The following ATP11A variants were observed in gnomAD, a reference collection of about 807,000 sequenced individuals.
ATP11A encodes ATPase phospholipid transporting 11A, also known as phospholipid-transporting ATPase IH.
Under a neutral mutation model 154.4 loss-of-function variants are expected in ATP11A, and 81 were observed. That is an observed-to-expected ratio of 0.52 (90% CI 0.44 to 0.63). The LOEUF is 0.63. Among genes scored for constraint, ATP11A ranks in the 30% least tolerant of loss-of-function variants. The pLI is 0.00. For synonymous variants in ATP11A, 623 were observed against 585.9 expected (o/e 1.06, Z -0.91); for missense variants, 1,316 against 1,474.3 (o/e 0.89, Z 1.76).
At chr13:112,820,739 G>A (rs891001787) in intron 8 of ATP11A, among the ~76,000 whole-genome samples, 2 of 152,218 alleles carry the variant, frequency 1.3e-5, no homozygotes, top group Non-Finnish European at 2.9e-5. Flanking sequence ...GGATTTTAAA[G>A]TTGCATCTTC....
chr13:112,715,523 ACCCTT>A (rs1888350575), intron 1 of ATP11A, among the ~76,000 whole-genome samples: 3 of 5,246 alleles, frequency 5.7e-4, no homozygotes, highest in Non-Finnish European at 1.2e-3. Context: ...GCCGATCCCC[ACCCTT>A]CACTTGGCTG....
chr13:112,878,476 C>G, intron 29 of ATP11A, 173 bp downstream of exon 29: 1 of 654,904 alleles, frequency 1.5e-6, no homozygotes, highest in South Asian at 1.8e-5. Context: ...CATGCACAGA[C>G]TGATCATGGG....
chr13:112,736,047 G>A (rs71446626), intron 1 of ATP11A, among the ~76,000 whole-genome samples: 13,974 of 152,166 alleles, frequency 0.092, 694 homozygotes, highest in Middle Eastern at 0.12. Flanking sequence ...CTTTGTGTTC[G>A]CGTGCCCAGA....
At chr13:112,805,539 G>A (rs1023521540) in intron 3 of ATP11A, among the ~76,000 whole-genome samples, 1 of 152,082 alleles carries the variant, frequency 6.6e-6, no homozygotes, top group Non-Finnish European at 1.5e-5. Context: ...AGCTGGGTGT[G>A]GTGGTGCACA....
At position 112,839,293 on chromosome 13, in the gene ATP11A, A is replaced by G. The variant is rs1245169249; in HGVS notation, c.1706-2983A>G. The stretch of plus-strand genomic sequence containing the variant: ...AAAAGGAGAGTACATAAGCATATTC[A>G]TCTATGAAAAAGAAAAGCAAGCAGA... On this transcript the variant is annotated intron_variant, in intron 16 of 29. Transcript: ENST00000375645. Among the ~76,000 whole-genome samples the G allele has an allele frequency of 3.9e-5, 6 of 152,188 alleles. No homozygotes were observed. The South Asian group carries it at 1.2e-3, about 32-fold the overall frequency.
At position 112,774,440 on chromosome 13, in the gene ATP11A, C is replaced by T. The variant is rs1259795227; in HGVS notation, c.40-10695C>T. On this transcript the variant is annotated intron_variant, in intron 1 of 29. Transcript: ENST00000375645. ...TTATTATATTTGGAGAAATGGGAGA[C>T]GATGATACTTTAGAGGAACACAGAT... Among the ~76,000 whole-genome samples, 24 of 152,116 alleles carry T rather than the reference C, an allele frequency of 1.6e-4. 1 individual carries two copies. Among genetic ancestry groups the T allele is most frequent in the Non-Finnish European group, 2.9e-5 (2 of 68,024 alleles).
intron 8 of ATP11A, 134 bp from the exon 9 acceptor site, chr13:112,823,211 A>G (rs2078845651): frequency 1.4e-6 from 1 of 702,082 alleles, no homozygotes; most frequent in Non-Finnish European, 2.5e-6. Flanking sequence ...ATATAAGCAA[A>G]CCTCCGTGTA....
intron 1 of ATP11A, among the ~76,000 whole-genome samples, chr13:112,758,423 T>C (rs920242175): frequency 3.4e-5 from 5 of 148,556 alleles, no homozygotes; most frequent in Admixed American, 1.3e-4. Flanking sequence ...TTTTTTTTTC[T>C]TTTTTTTCTT....
Position 112,885,204 on chromosome 13 carries a change from AC to A in ATP11A, c.*3339del, listed in dbSNP as rs748390638. 1 of 152,106 alleles carries A rather than the reference AC, an allele frequency of 6.6e-6. No homozygotes were observed. The highest frequency in any genetic ancestry group is 1.5e-5 in the Non-Finnish European group (1 of 68,046). The allele number at this position is 152,106 out of a possible 1,614,324, so 9.4% of individuals were successfully genotyped here. A position where few individuals can be genotyped will look rare whatever the true frequency, so the allele number is the denominator to read the frequency against. On this transcript the variant is annotated 3_prime_UTR_variant, in exon 30 of 30. Transcript: ENST00000375645. ...CACAATACATATGCACATATCATGA[AC>A]AGCGTAAGTTCCTACACACGGACGT...
In ATP11A at chr13:112,697,163, C is replaced by T. The variant is rs1420496010; in HGVS notation, c.39+6708C>T. Among the ~76,000 whole-genome samples, 2 of 152,170 alleles carry T rather than the reference C, an allele frequency of 1.3e-5. No individual in the cohort carries two copies. Among genetic ancestry groups the T allele is most frequent in the South Asian group, 2.1e-4 (1 of 4,834 alleles). ...GCCTTCCGTGGGCTGCTTCCTGTGG[C>T]GTCCTGCGGGCTGGCCGCCCCTCGG... is the stretch of plus-strand genomic sequence containing the variant. On this transcript the variant is annotated intron_variant, in intron 1 of 29. Transcript: ENST00000375645. The surrounding 1 kb of genome is among the most constrained non-coding windows in gnomAD (Gnocchi z 4.0).
rs2079183779 is a variant in ATP11A at position 112,834,644 on chromosome 13, G to A, written c.1615G>A (p.Glu539Lys). The A allele has an allele frequency of 6.2e-7, 1 of 1,613,826 alleles. No individual in the cohort carries two copies. The highest frequency in any genetic ancestry group is 1.7e-5 in the Admixed American group (1 of 60,030). Residue 539 changes from glutamate to lysine, a missense_variant, in exon 15 of 30, where the codon GAG (glutamate) becomes AAG (lysine). Glu to Lys is a moderately conservative substitution (Grantham distance 56, BLOSUM62 1). Transcript: ENST00000375645. ...KDNYMEILNR[E>K]NHIERFELLE... ...CAATTACATGGAGATATTAAACAGG[G>A]AGAACCACATCGAAAGGTATGTGCA... is the stretch of plus-strand genomic sequence containing the variant.
intron 29 of ATP11A, chr13:112,880,840 G>A (rs1030161966): frequency 8.9e-7 from 1 of 1,127,086 alleles, no homozygotes; most frequent in African/African-American, 1.6e-5. Flanking sequence ...ACCACACATG[G>A]AACATGCTGT....
At chr13:112,716,848 T>G (rs1408941092) in intron 1 of ATP11A, among the ~76,000 whole-genome samples, 1 of 152,094 alleles carries the variant, frequency 6.6e-6, no homozygotes, top group African/African-American at 2.4e-5. Flanking sequence ...TCCCTCAATT[T>G]CTGCGTTCTA....
At chr13:112,769,590 C>A (rs1444560275) in intron 1 of ATP11A, among the ~76,000 whole-genome samples, 1 of 152,216 alleles carries the variant, frequency 6.6e-6, no homozygotes, top group Non-Finnish European at 1.5e-5. Flanking sequence ...ATAGCTCAGT[C>A]ATGTGAACCT....
intron 17 of ATP11A, among the ~76,000 whole-genome samples, chr13:112,848,631 G>A (rs1028643643): frequency 1.1e-4 from 17 of 152,230 alleles, no homozygotes; most frequent in Admixed American, 2.6e-4. Flanking sequence ...TCTTGTTCCT[G>A]ATCCTACGGA....
intron 1 of ATP11A, among the ~76,000 whole-genome samples, chr13:112,759,915 A>G (rs1003502532): frequency 6.6e-6 from 1 of 152,286 alleles, no homozygotes; most frequent in Admixed American, 6.5e-5. Flanking sequence ...CTTTTCACTT[A>G]AAAAGTGCAT....
At position 112,754,855 on chromosome 13, in the gene ATP11A, G is replaced by C. The variant is rs2076780020; in HGVS notation, c.40-30280G>C. ...TCGACCACCTGTCCATGGAGCTCCGGGAATGCTGGCCCGGCCCCACTGCAG... is the reference window on the plus strand; with the variant it reads ...TCGACCACCTGTCCATGGAGCTCCGCGAATGCTGGCCCGGCCCCACTGCAG... On this transcript the variant is annotated intron_variant, in intron 1 of 29. Coordinates refer to ENST00000375645, the MANE Select transcript of ATP11A (RefSeq NM_015205.3). This position sits in a 1 kb window ranked among gnomAD's most constrained non-coding sequence, Gnocchi z 5.3. 6.6e-6 allele frequency among the ~76,000 whole-genome samples: 1 copy of C among 152,226 alleles called. No individual in the cohort carries two copies. Among genetic ancestry groups the C allele is most frequent in the South Asian group, 2.1e-4 (1 of 4,834 alleles).
chr13:112,883,483 A>G lies in ATP11A; in HGVS notation c.*1617A>G, dbSNP rs920151131. 21 of 335,356 alleles carry G rather than the reference A, an allele frequency of 6.3e-5. No individual in the cohort carries two copies. Among genetic ancestry groups the G allele is most frequent in the African/African-American group, 4.2e-4 (20 of 47,140 alleles). 20.8% of individuals were successfully genotyped at this position (335,356 alleles called of 1,614,324 possible). On this transcript the variant is annotated 3_prime_UTR_variant, in exon 30 of 30. Transcript: ENST00000375645. ...CGGGGCTCCGGCAAGTGAAACCCAG[A>G]GGGTGTTTCCGAGGTGCTCGACAGT...
At chr13:112,863,282 G>A (rs536211980) in intron 25 of ATP11A, among the ~76,000 whole-genome samples, 1 of 138,046 alleles carries the variant, frequency 7.2e-6, no homozygotes, top group East Asian at 2.3e-4. Flanking sequence ...GCTTCCCAGC[G>A]GGGTCCATCA....
Sources: gnomAD v4.1 joint callset for allele counts (sites outside exome capture counted in the v4.1 genomes callset) on GRCh38, gnomAD v4.1.1 for gene constraint, Gnocchi (gnomAD v3.1) non-coding constraint, MANE v1.5 for transcripts, NCBI Gene and HGNC (gene_info 2026-07-23, HGNC 2026-07-21) for gene names.